The following MEGF6 variants were observed in gnomAD, a reference collection of about 807,000 sequenced individuals.
The protein encoded by MEGF6 is multiple epidermal growth factor-like domains protein 6.
In MEGF6, 184 loss-of-function variants were observed where a neutral mutation model predicts 207.1. The observed-to-expected ratio is 0.89, with a 90% CI of 0.79 to 1.00. The LOEUF (loss-of-function observed/expected upper bound fraction) is 1.00, where lower values mean the gene tolerates loss of function less well. Ranked by LOEUF, MEGF6 falls within the 50% of genes least tolerant of loss-of-function variation. MEGF6 has a pLI of 0.00. For missense variants in MEGF6, 2,282 were observed against 2,202.9 expected (o/e 1.04, Z -0.72); for synonymous variants, 1,038 against 910.0 (o/e 1.14, Z -2.53).
At chr1:3,590,932 G>A (rs1425489899) in intron 3 of MEGF6, among the ~76,000 whole-genome samples, 1 of 152,208 alleles carries the variant, frequency 6.6e-6, no homozygotes, top group Non-Finnish European at 1.5e-5. Context: ...CAGCTCACAG[G>A]GACAGCGGTG....
In MEGF6 at chr1:3,497,020, G is replaced by T; in HGVS notation, c.3581C>A (p.Ala1194Asp). The T allele has an allele frequency of 1.3e-6, 2 of 1,551,754 alleles. No individual in the cohort carries two copies. Among genetic ancestry groups the T allele is most frequent in the Non-Finnish European group, 1.7e-6 (2 of 1,148,138 alleles). ...GCAGCTGGGGCCGTGGTAGCCAGCAGCACATGAGCAGGTCCCGGTGGCAGG... is the reference window on the plus strand; with the variant it reads ...GCAGCTGGGGCCGTGGTAGCCAGCATCACATGAGCAGGTCCCGGTGGCAGG... ...CHPATGTCSC[A>D]AGYHGPSCQQ... The change falls in exon 28 of 37, where the codon GCT becomes GAT. Residue 1194 changes from alanine (A) to aspartate (D), a missense_variant. Ala to Asp is a moderately radical substitution (Grantham distance 126). Coordinates refer to ENST00000356575, the MANE Select transcript of MEGF6 (RefSeq NM_001409.4).
rs574131928 is a variant in MEGF6, at chr1:3,508,957, G to A, written c.1528+118C>T. 30 of 1,221,928 alleles carry A rather than the reference G, an allele frequency of 2.5e-5. No individual in the cohort carries two copies. The South Asian group carries it at 4.8e-4, about 20-fold the overall frequency. 75.7% of individuals were successfully genotyped at this position (1,221,928 alleles called of 1,614,324 possible). On this transcript the variant is annotated intron_variant, in intron 12 of 36. Coordinates refer to ENST00000356575, the MANE Select transcript of MEGF6 (RefSeq NM_001409.4). ...CCTCTCTGGGCCTTGGTCTAACATG[G>A]CATTGCAGGGGTCCTTCCTCACGTC...
intron 5 of MEGF6, among the ~76,000 whole-genome samples, chr1:3,521,534 G>A (rs941536270): frequency 1.2e-4 from 18 of 152,288 alleles, no homozygotes; most frequent in Admixed American, 4.6e-4. Context: ...CAGTCTGGCT[G>A]GGTCCCTCAG....
chr1:3,542,638 G>A (rs879436563), intron 4 of MEGF6, among the ~76,000 whole-genome samples: 2 of 152,230 alleles, frequency 1.3e-5, no homozygotes, highest in South Asian at 2.1e-4. Context: ...AGCCCGGGCC[G>A]TGGGCCCCGA....
intron 1 of MEGF6, among the ~76,000 whole-genome samples, chr1:3,603,987 A>G (rs1190386749): frequency 6.6e-6 from 1 of 152,206 alleles, no homozygotes; most frequent in East Asian, 1.9e-4. Flanking sequence ...GACCCAACAT[A>G]GCGATGGCAA....
chr1:3,523,078 G>GGT (rs921359430), intron 5 of MEGF6, among the ~76,000 whole-genome samples: 203 of 151,938 alleles, frequency 1.3e-3, no homozygotes, highest in Non-Finnish European at 2.0e-3. Flanking sequence ...GTGTGCCGGG[G>GGT]GGGGGGCCCC....
chr1:3,606,820 C>T (rs1253399071), intron 1 of MEGF6, among the ~76,000 whole-genome samples: 3 of 152,198 alleles, frequency 2.0e-5, no homozygotes, highest in African/African-American at 7.2e-5. Flanking sequence ...CCCTGAGCTT[C>T]TGGGCTACAG....
intron 4 of MEGF6, chr1:3,531,056 T>G: frequency 7.1e-7 from 1 of 1,404,716 alleles, no homozygotes; most frequent in East Asian, 2.9e-5. Flanking sequence ...CCGCCCGCCC[T>G]GCCCAGGCTC....
At chr1:3,595,011 C>T (rs1022389742) in intron 3 of MEGF6, among the ~76,000 whole-genome samples, 9 of 152,054 alleles carry the variant, frequency 5.9e-5, no homozygotes, top group Admixed American at 3.3e-4. Flanking sequence ...CCGAACTAGG[C>T]TCAGGAGTCC....
intron 3 of MEGF6, among the ~76,000 whole-genome samples, chr1:3,593,380 C>T (rs1047865967): frequency 2.8e-4 from 42 of 152,228 alleles, no homozygotes; most frequent in African/African-American, 9.9e-4. Context: ...CGGGGGAACG[C>T]GGCTGCGCAC....
chr1:3,576,520 G>T (rs906082514), intron 4 of MEGF6, among the ~76,000 whole-genome samples: 1 of 152,126 alleles, frequency 6.6e-6, no homozygotes, highest in Non-Finnish European at 1.5e-5. Flanking sequence ...TCCCAACTGC[G>T]TTTGAGCTCA....
At chr1:3,516,696 G>C (rs1641553558) in intron 5 of MEGF6, among the ~76,000 whole-genome samples, 1 of 152,188 alleles carries the variant, frequency 6.6e-6, no homozygotes, top group African/African-American at 2.4e-5. Flanking sequence ...GCAGCGGCTG[G>C]AGCAGCGGTG....
chr1:3,518,388 C>T (rs993126683), intron 5 of MEGF6, among the ~76,000 whole-genome samples: 3 of 152,258 alleles, frequency 2.0e-5, no homozygotes, highest in African/African-American at 4.8e-5. Flanking sequence ...CAGCAGGAGG[C>T]GGCACCACCC....
intron 4 of MEGF6, among the ~76,000 whole-genome samples, chr1:3,530,442 C>A (rs541697906): frequency 6.6e-6 from 1 of 152,326 alleles, no homozygotes; most frequent in East Asian, 1.9e-4. Flanking sequence ...ACCCCCTCCT[C>A]CAATTCCCGA....
At chr1:3,552,971 C>T (rs560895872) in intron 4 of MEGF6, among the ~76,000 whole-genome samples, 2 of 152,256 alleles carry the variant, frequency 1.3e-5, no homozygotes, top group African/African-American at 4.8e-5. Flanking sequence ...GCCCAGGGCC[C>T]GGCCAGGCCC....
chr1:3,568,321 C>T (rs1643405385), intron 4 of MEGF6, among the ~76,000 whole-genome samples: 1 of 140,986 alleles, frequency 7.1e-6, no homozygotes, highest in Non-Finnish European at 1.6e-5. Flanking sequence ...CCTGAGGGCT[C>T]TGGCCTCCAG....
At chr1:3,494,278 C>A in intron 32 of MEGF6, 93 bp downstream of exon 32, 1 of 1,473,200 alleles carries the variant, frequency 6.8e-7, no homozygotes, top group African/African-American at 1.4e-5. Flanking sequence ...CCCCACCTCC[C>A]CACCACTTCA....
intron 3 of MEGF6, among the ~76,000 whole-genome samples, chr1:3,581,360 C>T (rs1050666770): frequency 6.6e-6 from 1 of 152,178 alleles, no homozygotes; most frequent in African/African-American, 2.4e-5. Context: ...CATTCAGGCC[C>T]TACCAGCCTC....
At chr1:3,542,103 G>A (rs540653826) in intron 4 of MEGF6, among the ~76,000 whole-genome samples, 32 of 152,150 alleles carry the variant, frequency 2.1e-4, no homozygotes, top group East Asian at 1.2e-3. Context: ...CGGCTGCCCC[G>A]TTTCCCGTGA....
Sources: allele counts gnomAD v4.1 joint callset (sites outside exome capture counted in the v4.1 genomes callset), GRCh38; gene constraint gnomAD v4.1.1; transcripts MANE v1.5; gene names NCBI Gene and HGNC (gene_info 2026-07-23, HGNC 2026-07-21).